Variants in RAPSN observed in about 807,000 individuals in gnomAD.
The protein encoded by RAPSN is 43 kDa receptor-associated protein of the synapse.
Under a neutral mutation model 45.7 loss-of-function variants are expected in RAPSN, and 33 were observed. That is an observed-to-expected ratio of 0.72 (90% CI 0.55 to 0.97). The LOEUF is 0.97. Ranked by LOEUF, RAPSN falls within the 50% of genes least tolerant of loss-of-function variation. The pLI, the probability that RAPSN is intolerant of heterozygous loss-of-function variation, is 0.00. For missense variants in RAPSN, 519 were observed against 559.4 expected, an observed-to-expected ratio of 0.93 and a Z score of 0.73; for synonymous variants, 244 against 233.6, an observed-to-expected ratio of 1.04 and a Z score of -0.40.
At chr11:47,444,010 G>A (rs887363255) in intron 2 of RAPSN, among the ~76,000 whole-genome samples, 3 of 147,574 alleles carry the variant, frequency 2.0e-5, no homozygotes, top group East Asian at 2.0e-4. Context: ...CCACCTTCTC[G>A]TGACGTCATT....
chr11:47,443,868 T>C (rs1402425758), intron 2 of RAPSN, among the ~76,000 whole-genome samples: 1 of 131,242 alleles, frequency 7.6e-6, no homozygotes, highest in African/African-American at 3.0e-5. Context: ...AGGTCGAGGA[T>C]ATGGTGAGCT....
intron 6 of RAPSN, among the ~76,000 whole-genome samples, chr11:47,440,842 T>A (rs1224168926): frequency 1.3e-5 from 2 of 152,174 alleles, no homozygotes; most frequent in African/African-American, 4.8e-5. Flanking sequence ...GCTCAAGTGA[T>A]CCTCCTACCT....
intron 6 of RAPSN, 142 bp downstream of exon 6, chr11:47,441,017 C>T: frequency 1.0e-6 from 1 of 1,000,558 alleles, no homozygotes; most frequent in East Asian, 2.4e-5. Context: ...GAGAAAGAGC[C>T]AGAGTATGGG....
Position 47,448,921 on chromosome 11 carries a change from T to C in RAPSN, c.44A>G (p.Gln15Arg). 3 of 1,614,258 alleles carry C rather than the reference T, an allele frequency of 1.9e-6. No homozygotes were observed. The highest frequency in any genetic ancestry group is 2.5e-6 in the Non-Finnish European group (3 of 1,180,036). ...QTKQQIEKGLQLYQSNQTEKA... is the reference protein window; with the variant it reads ...QTKQQIEKGLRLYQSNQTEKA... ...CTCTGTCTGGTTGGACTGGTACAGC[T>C]GGAGCCCCTTCTCGATCTGCTGCTT... The change falls in exon 1 of 8, where the codon CAG becomes CGG. Residue 15 changes from glutamine (Q) to arginine (R), a missense_variant. By Grantham distance (43) the Gln-to-Arg change is conservative. Transcript: ENST00000298854.
chr11:47,443,304 G>A (rs1025877400), intron 2 of RAPSN, among the ~76,000 whole-genome samples: 1 of 152,168 alleles, frequency 6.6e-6, no homozygotes, highest in Non-Finnish European at 1.5e-5. Context: ...CAGACTCAGC[G>A]AGGCGATGCA....
rs780963721 is a variant in RAPSN, at chr11:47,441,887, C to G, written c.725G>C (p.Arg242Pro). 1.3e-6 allele frequency: 2 copies of G among 1,593,016 alleles called. No homozygotes were observed. Among genetic ancestry groups the G allele is most frequent in the African/African-American group, 2.7e-5 (2 of 74,662 alleles). ...SMKIALQHGD[R>P]PLQALCLLCF... is the part of the protein sequence containing the mutation. The stretch of plus-strand genomic sequence containing the variant: ...GAGCAGGCAGAGCGCCTGCAGTGGC[C>G]GGTCCCCGTGCTGCAGCGCGATCTT... Residue 242 changes from arginine (R) to proline (P), a missense_variant, in exon 4 of 8, where the codon CGG becomes CCG. Coordinates refer to ENST00000298854, the MANE Select transcript of RAPSN (RefSeq NM_005055.5).
intron 6 of RAPSN, among the ~76,000 whole-genome samples, chr11:47,439,137 T>C (rs1298424299): frequency 3.3e-5 from 5 of 152,298 alleles, no homozygotes; most frequent in East Asian, 3.9e-4. Context: ...GGAGACCCCA[T>C]GTTTTTGACA....
intron 5 of RAPSN, 81 bp downstream of exon 5, chr11:47,441,530 G>A: frequency 6.3e-7 from 1 of 1,588,988 alleles, no homozygotes; most frequent in Non-Finnish European, 8.5e-7. Flanking sequence ...AGACAAAGTG[G>A]CTGAAAGAGC....
intron 2 of RAPSN, among the ~76,000 whole-genome samples, chr11:47,445,414 G>A (rs150490326): frequency 2.0e-3 from 305 of 151,282 alleles, no homozygotes; most frequent in Non-Finnish European, 3.5e-3. Context: ...GGCCAACATG[G>A]TGAAACCCCG....
intron 5 of RAPSN, 72 bp from the exon 6 acceptor site, chr11:47,441,284 G>A: frequency 6.3e-7 from 1 of 1,586,302 alleles, no homozygotes; most frequent in Non-Finnish European, 8.6e-7. Flanking sequence ...GAAGCACAGG[G>A]TAGGGGGGCA....
intron 4 of RAPSN, 37 bp downstream of exon 4, chr11:47,441,786 C>T: frequency 1.3e-6 from 2 of 1,562,242 alleles, no homozygotes; most frequent in Non-Finnish European, 1.7e-6. Flanking sequence ...TGTGCCCCTG[C>T]CCCCTGCCCC....
intron 6 of RAPSN, 64 bp from the exon 7 acceptor site, chr11:47,438,995 C>T (rs2076339610): frequency 4.0e-6 from 6 of 1,496,256 alleles, no homozygotes; most frequent in African/African-American, 2.8e-5. Flanking sequence ...CAGGTAGGCT[C>T]CGGTCTCAGC....
rs755589563 is a variant in RAPSN, at chr11:47,449,010, C to T, written c.-46G>A. 54 of 1,609,624 alleles carry T rather than the reference C, an allele frequency of 3.4e-5. 1 individual carries two copies. In the Middle Eastern group the frequency reaches 2.2e-3, roughly 64 times the overall value. On this transcript the variant is annotated 5_prime_UTR_variant, in exon 1 of 8. Transcript: ENST00000298854. ...CACGTGGGGTGATCCCTGGTGGCTC[C>T]GTGCCTCTAGGCACTCATGGGGCAG...
At chr11:47,445,648 A>T (rs1398026437) in intron 2 of RAPSN, among the ~76,000 whole-genome samples, 1 of 151,026 alleles carries the variant, frequency 6.6e-6, no homozygotes, top group Non-Finnish European at 1.5e-5. Context: ...CTTAAACTTC[A>T]TTCAGTTGTC....
chr11:47,444,180 T>G (rs375340415), intron 2 of RAPSN, among the ~76,000 whole-genome samples: 5 of 152,152 alleles, frequency 3.3e-5, no homozygotes, highest in South Asian at 2.1e-4. Flanking sequence ...TATTACATAC[T>G]TTTGAAGCCA....
intron 2 of RAPSN, 125 bp from the exon 3 acceptor site, chr11:47,442,939 T>C: frequency 6.7e-7 from 1 of 1,495,528 alleles, no homozygotes; most frequent in African/African-American, 1.4e-5. Context: ...TGCTCATTCA[T>C]TGTGACATCC....
intron 2 of RAPSN, among the ~76,000 whole-genome samples, chr11:47,447,248 G>A (rs2076413870): frequency 6.6e-6 from 1 of 152,082 alleles, no homozygotes; most frequent in Non-Finnish European, 1.5e-5. Context: ...GCCCAGTGCT[G>A]CCAGCCCTTT....
At chr11:47,447,315 T>C (rs1363865290) in intron 2 of RAPSN, among the ~76,000 whole-genome samples, 1 of 152,208 alleles carries the variant, frequency 6.6e-6, no homozygotes, top group African/African-American at 2.4e-5. Context: ...ATCGTCTTTC[T>C]TCTCCAACTA....
intron 7 of RAPSN, among the ~76,000 whole-genome samples, chr11:47,438,266 G>C (rs890605377): frequency 1.3e-5 from 2 of 152,094 alleles, no homozygotes; most frequent in African/African-American, 4.8e-5. Context: ...GCAGGGGCTG[G>C]GAGTTGAGAG....
Sources: gnomAD v4.1 joint callset for allele counts (sites outside exome capture counted in the v4.1 genomes callset) on GRCh38, gnomAD v4.1.1 for gene constraint, MANE v1.5 for transcripts, NCBI Gene and HGNC (gene_info 2026-07-23, HGNC 2026-07-21) for gene names.